FBXW12: variants seen among roughly 807,000 people sequenced by gnomAD.
FBXW12 encodes F-box/WD repeat-containing protein 12.
A neutral mutation model predicts 55.3 loss-of-function variants in FBXW12; 43 were observed. The observed-to-expected ratio is 0.78, with a 90% CI of 0.61 to 1.00. The LOEUF (loss-of-function observed/expected upper bound fraction) is 1.00, where lower values mean the gene tolerates loss of function less well. FBXW12 is among the 50% of genes least tolerant of loss of function. The probability of loss-of-function intolerance (pLI) is 0.00; values close to 1 mark genes in which losing one functional copy is unlikely to be tolerated. For synonymous variants in FBXW12, 184 were observed against 203.8 expected (o/e 0.90, Z 0.83); for missense variants, 524 against 560.5 (o/e 0.93, Z 0.66).
rs1013861067 is a variant in FBXW12 at position 48,380,742 on chromosome 3, G to A, written c.815G>A (p.Ser272Asn). The A allele has an allele frequency of 6.8e-6, 11 of 1,614,006 alleles. 1 individual carries two copies. The African/African-American group carries it at 1.3e-4, about 20-fold the overall frequency. Reference protein sequence around the residue: ...TESLLRPSEGSVPLSTFLPHK... With the variant: ...TESLLRPSEGNVPLSTFLPHK... Reference sequence around the variant, plus strand: ...TCCTTACTGAGACCATCAGAAGGCAGTGTTCCTCTGTCTACCTTTCTCCCA... The same window carrying A: ...TCCTTACTGAGACCATCAGAAGGCAATGTTCCTCTGTCTACCTTTCTCCCA... The change falls in exon 8 of 11, where the codon AGT becomes AAT. Residue 272 changes from serine to asparagine, a missense_variant. Physicochemically the swap from Ser to Asn is conservative, Grantham distance 46. Transcript: ENST00000296438.
chr3:48,393,703 C>A (rs956282925), intron 10 of FBXW12, among the ~76,000 whole-genome samples: 1 of 152,058 alleles, frequency 6.6e-6, no homozygotes, highest in Non-Finnish European at 1.5e-5. Flanking sequence ...GCAGGCAGAT[C>A]GCTTGAGTGC....
chr3:48,373,331 T>C lies in FBXW12; in HGVS notation c.114T>C (p.Ser38=), dbSNP rs1285875270. The change falls in exon 3 of 11, where the codon AGT becomes AGC. Residue 38 remains serine, a synonymous_variant. Coordinates refer to ENST00000296438, the MANE Select transcript of FBXW12 (RefSeq NM_207102.2). ...VNKHWNRIAD[S]DYLWRSLSLQ... is the part of the protein sequence containing the mutation. ...AGCATTGGAATAGGATTGCAGACAGTGATTACCTGTGGAGGTAAGGGAAGG... is the reference window on the plus strand; with the variant it reads ...AGCATTGGAATAGGATTGCAGACAGCGATTACCTGTGGAGGTAAGGGAAGG... 1 of 1,613,968 alleles carries C rather than the reference T, an allele frequency of 6.2e-7. No homozygotes were observed. The highest frequency in any genetic ancestry group is 8.5e-7 in the Non-Finnish European group (1 of 1,179,976).
chr3:48,381,720 C>A lies in FBXW12; in HGVS notation c.1006C>A (p.Gln336Lys). 1 of 1,580,360 alleles carries A rather than the reference C, an allele frequency of 6.3e-7. No homozygotes were observed. ...VIQAYEIASF[Q>K]VAAHLKCPIW... ...AACAGCATATGAGATCGCAAGTTTCCAGGTGGCAGCTCATCTGAAGTGCCC... is the reference window on the plus strand; with the variant it reads ...AACAGCATATGAGATCGCAAGTTTCAAGGTGGCAGCTCATCTGAAGTGCCC... The change falls in exon 9 of 11, where the codon CAG becomes AAG. Residue 336 changes from glutamine (Q) to lysine (K), a missense_variant. Gln to Lys is a moderately conservative substitution (Grantham distance 53). Transcript: ENST00000296438.
Position 48,378,299 on chromosome 3 carries a change from G to T in FBXW12, c.406-18G>T, listed in dbSNP as rs1415094544. On this transcript the variant is annotated intron_variant, in intron 5 of 10. Transcript: ENST00000296438. Reference sequence around the variant, plus strand: ...TAAGGGTTCCTTGAACACAGGTCGTGTTACTCTCGTTTTCTAGGGTACCAT... The same window carrying T: ...TAAGGGTTCCTTGAACACAGGTCGTTTTACTCTCGTTTTCTAGGGTACCAT... 6.2e-7 allele frequency: 1 copy of T among 1,601,918 alleles called. No individual in the cohort carries two copies. The highest frequency in any genetic ancestry group is 1.3e-5 in the African/African-American group (1 of 74,636).
intron 10 of FBXW12, among the ~76,000 whole-genome samples, chr3:48,384,742 A>G (rs2106644175): frequency 6.6e-6 from 1 of 152,210 alleles, no homozygotes; most frequent in East Asian, 1.9e-4. Context: ...TCTCAAAGAC[A>G]TTTTCTGTAT....
At chr3:48,392,133 G>C (rs988874592) in intron 10 of FBXW12, among the ~76,000 whole-genome samples, 4 of 152,072 alleles carry the variant, frequency 2.6e-5, no homozygotes, top group African/African-American at 7.2e-5. Flanking sequence ...TTTTTTGTTT[G>C]TTTACGGTTT....
chr3:48,392,824 G>A (rs1383613470), intron 10 of FBXW12, among the ~76,000 whole-genome samples: 1 of 151,962 alleles, frequency 6.6e-6, no homozygotes, highest in African/African-American at 2.4e-5. Context: ...TATTTCCTTT[G>A]TTTTTAATTC....
At chr3:48,390,299 T>G (rs1575364271) in intron 10 of FBXW12, among the ~76,000 whole-genome samples, 1 of 152,114 alleles carries the variant, frequency 6.6e-6, no homozygotes, top group East Asian at 1.9e-4. Flanking sequence ...ACACTGAATC[T>G]GTTGATTGCT....
intron 3 of FBXW12, 25 bp from the exon 4 acceptor site, chr3:48,373,523 G>A (rs1295851987): frequency 6.2e-7 from 1 of 1,609,742 alleles, no homozygotes; most frequent in South Asian, 1.1e-5. Flanking sequence ...AGAACAGCCT[G>A]ATGGGACTGT....
chr3:48,372,631 C>T, intron 1 of FBXW12, 53 bp from the exon 2 acceptor site: 1 of 1,568,624 alleles, frequency 6.4e-7, no homozygotes, highest in Non-Finnish European at 8.7e-7. Context: ...GTCTGCACAC[C>T]TGCAGCTTGT....
Position 48,381,779 on chromosome 3 carries a change from T to G in FBXW12, c.1065T>G (p.Ile355Met), listed in dbSNP as rs753224960. Reference protein sequence around the residue: ...IWMGASDGYMIVFTSGPYLLL... With the variant: ...IWMGASDGYMMVFTSGPYLLL... The stretch of plus-strand genomic sequence containing the variant: ...TGGGAGCCAGTGATGGATATATGAT[T>G]GTCTTTACCAGTGGACCATACTTGT... Residue 355 changes from isoleucine (I) to methionine (M), a missense_variant, in exon 9 of 11, where the codon ATT (isoleucine) becomes ATG (methionine). Coordinates refer to ENST00000296438, the MANE Select transcript of FBXW12 (RefSeq NM_207102.2). 14 of 1,612,230 alleles carry G rather than the reference T, an allele frequency of 8.7e-6. No individual in the cohort carries two copies. The highest frequency in any genetic ancestry group is 1.1e-5 in the Non-Finnish European group (13 of 1,178,752).
chr3:48,377,588 G>T (rs1034569960), intron 5 of FBXW12, among the ~76,000 whole-genome samples: 1 of 152,236 alleles, frequency 6.6e-6, no homozygotes, highest in Admixed American at 6.5e-5. Context: ...GTTAGCAAAA[G>T]CCTGTTTTAA....
chr3:48,394,327 CT>C (rs1056719480), intron 10 of FBXW12, among the ~76,000 whole-genome samples: 6 of 152,326 alleles, frequency 3.9e-5, no homozygotes, highest in Middle Eastern at 3.4e-3. Flanking sequence ...AAATCAGATA[CT>C]GACAATTCTG....
intron 5 of FBXW12, among the ~76,000 whole-genome samples, chr3:48,377,196 C>G (rs1469915416): frequency 6.6e-6 from 1 of 152,034 alleles, no homozygotes; most frequent in East Asian, 1.9e-4. Context: ...CTGAGATGGC[C>G]CAAATATTTT....
At position 48,379,340 on chromosome 3, in the gene FBXW12, T is replaced by C. The variant is rs770595523; in HGVS notation, c.616-60T>C. 17 of 1,529,148 alleles carry C rather than the reference T, an allele frequency of 1.1e-5. No individual in the cohort carries two copies. The South Asian group carries it at 1.8e-4, about 16-fold the overall frequency. The allele number at this position is 1,529,148 out of a possible 1,614,324, so 94.7% of individuals were successfully genotyped here. On this transcript the variant is annotated intron_variant, in intron 6 of 10. Transcript: ENST00000296438. Reference sequence around the variant, plus strand: ...TCTTGCAGCTCATAGTGCTGCCTCCTCTGTACTTCAGGATTTCACATATCT... The same window carrying C: ...TCTTGCAGCTCATAGTGCTGCCTCCCCTGTACTTCAGGATTTCACATATCT...
chr3:48,372,592 G>A, intron 1 of FBXW12, 92 bp from the exon 2 acceptor site: 2 of 1,442,652 alleles, frequency 1.4e-6, no homozygotes, highest in Non-Finnish European at 1.9e-6. Context: ...GGCCCCAGGG[G>A]AGAGGCCGGG....
Position 48,382,112 on chromosome 3 carries a change from TC to T in FBXW12, c.1295+31del, listed in dbSNP as rs761912322. ...TAAGCTCTGTTTTGTGATGTAAACA[TC>T]CCCTAAACAACTTTTTTTTTTTGAG... On this transcript the variant is annotated intron_variant, in intron 10 of 10. Transcript: ENST00000296438. 3 of 1,605,158 alleles carry T rather than the reference TC, an allele frequency of 1.9e-6. No individual in the cohort carries two copies. The African/African-American group carries it at 4.0e-5, about 22-fold the overall frequency.
chr3:48,382,457 G>A (rs1019319375), intron 10 of FBXW12, among the ~76,000 whole-genome samples: 1 of 126,074 alleles, frequency 7.9e-6, no homozygotes, highest in Non-Finnish European at 1.8e-5. Flanking sequence ...AGGGAAAACA[G>A]GGGTTTTTTT....
chr3:48,373,327 A>T lies in FBXW12; in HGVS notation c.110A>T (p.Asp37Val). ...QVNKHWNRIA[D>V]SDYLWRSLSL... ...CCATAGCATTGGAATAGGATTGCAG[A>T]CAGTGATTACCTGTGGAGGTAAGGG... The change falls in exon 3 of 11, where the codon GAC becomes GTC. Residue 37 changes from aspartate to valine, a missense_variant. By Grantham distance (152) the Asp-to-Val change is radical. Transcript: ENST00000296438. The T allele has an allele frequency of 6.2e-7, 1 of 1,614,152 alleles. No homozygotes were observed. Among genetic ancestry groups the T allele is most frequent in the Non-Finnish European group, 8.5e-7 (1 of 1,180,020 alleles).
Sources: allele counts gnomAD v4.1 joint callset (sites outside exome capture counted in the v4.1 genomes callset), GRCh38; gene constraint gnomAD v4.1.1; transcripts MANE v1.5; gene names NCBI Gene and HGNC (gene_info 2026-07-23, HGNC 2026-07-21).